Variants in PPP2R2C observed in about 807,000 individuals in gnomAD.
PPP2R2C encodes the protein protein phosphatase 2, regulatory subunit B, gamma.
PPP2R2C carries 10 observed loss-of-function variants against 45.3 expected under a neutral mutation model. The observed-to-expected ratio is 0.22, with a 90% confidence interval of 0.14 to 0.37. The LOEUF (loss-of-function observed/expected upper bound fraction) is 0.37, where lower values mean the gene tolerates loss of function less well. Among genes scored for constraint, PPP2R2C ranks in the 10% least tolerant of loss-of-function variants. PPP2R2C has a pLI of 1.00. For synonymous variants in PPP2R2C, 257 were observed against 245.4 expected, an observed-to-expected ratio of 1.05 and a Z score of -0.44; for missense variants, 308 against 619.7, an observed-to-expected ratio of 0.50 and a Z score of 5.34.
chr4:6,417,764 G>A (rs1718688729), intron 1 of PPP2R2C, among the ~76,000 whole-genome samples: 1 of 152,232 alleles, frequency 6.6e-6, no homozygotes, highest in Non-Finnish European at 1.5e-5. Flanking sequence ...GGGAACCTCG[G>A]CTGCGTGGGG....
At chr4:6,469,691 A>G (rs1475397932) in intron 1 of PPP2R2C, among the ~76,000 whole-genome samples, 4 of 152,244 alleles carry the variant, frequency 2.6e-5, no homozygotes, top group Admixed American at 2.6e-4. Context: ...CACAGCAGTC[A>G]GGAGTCAGAG....
At chr4:6,422,581 A>G (rs1328757947) in intron 1 of PPP2R2C, among the ~76,000 whole-genome samples, 1 of 152,188 alleles carries the variant, frequency 6.6e-6, no homozygotes, top group East Asian at 1.9e-4. Context: ...AGGTGTCAGC[A>G]GGATGGTTTC....
chr4:6,438,082 ATG>A (rs1320557352), intron 1 of PPP2R2C, among the ~76,000 whole-genome samples: 4 of 152,102 alleles, frequency 2.6e-5, no homozygotes, highest in African/African-American at 9.7e-5. Flanking sequence ...CTTCTCCTTC[ATG>A]TCCTTTTTCA....
At chr4:6,462,076 G>A (rs1019230661) in intron 1 of PPP2R2C, among the ~76,000 whole-genome samples, 13 of 152,324 alleles carry the variant, frequency 8.5e-5, no homozygotes, top group Middle Eastern at 3.4e-3. Flanking sequence ...AGGGAGTGGC[G>A]AGGGCACCAC....
At chr4:6,554,639 T>C (rs1725301083) in intron 1 of PPP2R2C, among the ~76,000 whole-genome samples, 1 of 151,242 alleles carries the variant, frequency 6.6e-6, no homozygotes. Context: ...GCAGGCAGAG[T>C]ACTTGAGGTC....
At chr4:6,535,219 C>T (rs987531736) in intron 2 of PPP2R2C, 144 of 1,524,592 alleles carry the variant, frequency 9.4e-5, no homozygotes, top group East Asian at 1.7e-4. Flanking sequence ...CCACAGCCCA[C>T]GTCCCCAAGC....
chr4:6,448,290 T>C (rs1720542260), intron 1 of PPP2R2C, among the ~76,000 whole-genome samples: 1 of 152,174 alleles, frequency 6.6e-6, no homozygotes, highest in East Asian at 1.9e-4. Context: ...CTGGGCACAG[T>C]GGCTCACACC....
chr4:6,363,068 T>C (rs979562245), intron 5 of PPP2R2C, among the ~76,000 whole-genome samples: 1 of 150,976 alleles, frequency 6.6e-6, no homozygotes, highest in Non-Finnish European at 1.5e-5. Flanking sequence ...GGGTGGGAGG[T>C]GGAGATGCTG....
intron 1 of PPP2R2C, among the ~76,000 whole-genome samples, chr4:6,461,845 C>G (rs1310073626): frequency 6.6e-6 from 1 of 152,246 alleles, no homozygotes; most frequent in African/African-American, 2.4e-5. Context: ...AAAGTGAGCA[C>G]TGTGTGGGCA....
intron 4 of PPP2R2C, among the ~76,000 whole-genome samples, chr4:6,374,861 G>C (rs1234076038): frequency 6.6e-6 from 1 of 152,240 alleles, no homozygotes; most frequent in African/African-American, 2.4e-5. Flanking sequence ...GTAGAATGCT[G>C]TGCAGGGTTG....
intron 2 of PPP2R2C, among the ~76,000 whole-genome samples, chr4:6,485,234 A>G (rs60448939): frequency 0.03 from 4,545 of 152,036 alleles, 231 homozygotes; most frequent in African/African-American, 0.1. Flanking sequence ...TAAACCTACC[A>G]TGCATTCCTG....
intron 1 of PPP2R2C, chr4:6,414,028 A>G: frequency 6.6e-7 from 1 of 1,524,364 alleles, no homozygotes; most frequent in South Asian, 1.2e-5. Context: ...TATGTGGCCC[A>G]AATCTAGAGA....
chr4:6,418,989 G>A (rs1423578346), intron 1 of PPP2R2C, among the ~76,000 whole-genome samples: 1 of 152,196 alleles, frequency 6.6e-6, no homozygotes, highest in African/African-American at 2.4e-5. Context: ...CAATATTCCC[G>A]TTGACAGCGG....
chr4:6,531,156 G>C (rs887378186), intron 2 of PPP2R2C, among the ~76,000 whole-genome samples: 25 of 152,228 alleles, frequency 1.6e-4, no homozygotes, highest in African/African-American at 5.8e-4. Context: ...CACCAAGGAG[G>C]CTTCCCACCC....
chr4:6,391,397 T>C (rs1454133854), intron 1 of PPP2R2C, among the ~76,000 whole-genome samples: 6 of 152,202 alleles, frequency 3.9e-5, no homozygotes, highest in Non-Finnish European at 8.8e-5. Context: ...CTCGCCCTTA[T>C]TGCCACATTG....
intron 1 of PPP2R2C, among the ~76,000 whole-genome samples, chr4:6,451,122 C>T (rs895984424): frequency 1.3e-5 from 2 of 152,218 alleles, no homozygotes; most frequent in African/African-American, 2.4e-5. Context: ...CTCTTCCACC[C>T]GACACGGTAC....
Position 6,329,475 on chromosome 4 carries a change from C to A in PPP2R2C, c.961-122G>T. The A allele has an allele frequency of 1.3e-6, 1 of 789,744 alleles. No homozygotes were observed. The highest frequency in any genetic ancestry group is 1.5e-5 in the South Asian group (1 of 64,542). 48.9% of individuals were successfully genotyped at this position (789,744 alleles called of 1,614,324 possible). Reference sequence around the variant, plus strand: ...CCTGACATGGCCCAGCGCAGACCTGCTCATCTCAGCGAGGGTCTGAATGCT... The same window carrying A: ...CCTGACATGGCCCAGCGCAGACCTGATCATCTCAGCGAGGGTCTGAATGCT... On this transcript the variant is annotated intron_variant, in intron 7 of 8. Coordinates refer to ENST00000382599, the MANE Select transcript of PPP2R2C (RefSeq NM_020416.4). This position sits in a 1 kb window ranked among gnomAD's most constrained non-coding sequence, Gnocchi z 5.8.
chr4:6,321,718 C>G lies in PPP2R2C; in HGVS notation c.*1584G>C, dbSNP rs1335464049. The G allele has an allele frequency of 6.6e-6, 1 of 152,044 alleles. No individual in the cohort carries two copies. Among genetic ancestry groups the G allele is most frequent in the African/African-American group, 2.4e-5 (1 of 41,388 alleles). The allele number at this position is 152,044 out of a possible 1,614,324, so 9.4% of individuals were successfully genotyped here. On this transcript the variant is annotated 3_prime_UTR_variant, in exon 9 of 9. Coordinates refer to ENST00000382599, the MANE Select transcript of PPP2R2C (RefSeq NM_020416.4). ...GGTCTCTGCTCCCCACTTTCTGAAT[C>G]AAAATGCCAAACTACGTGGCTCTGC... is the stretch of plus-strand genomic sequence containing the variant.
chr4:6,554,731 A>G (rs527602659), intron 1 of PPP2R2C, among the ~76,000 whole-genome samples: 81 of 151,844 alleles, frequency 5.3e-4, no homozygotes, highest in African/African-American at 1.9e-3. Flanking sequence ...CTGGTGGTGC[A>G]CACCTGTAAT....
Sources: gnomAD v4.1 joint callset for allele counts (sites outside exome capture counted in the v4.1 genomes callset) on GRCh38, gnomAD v4.1.1 for gene constraint, Gnocchi (gnomAD v3.1) non-coding constraint, MANE v1.5 for transcripts, NCBI Gene and HGNC (gene_info 2026-07-23, HGNC 2026-07-21) for gene names.